IMMT: variants seen among roughly 807,000 people sequenced by gnomAD.
IMMT encodes the protein inner membrane mitochondrial protein.
A neutral mutation model predicts 92.7 loss-of-function variants in IMMT; 40 were observed. The observed-to-expected ratio is 0.43, with a 90% CI of 0.34 to 0.56. The LOEUF (loss-of-function observed/expected upper bound fraction) is 0.56, where lower values mean the gene tolerates loss of function less well. Among genes scored for constraint, IMMT ranks in the 20% least tolerant of loss-of-function variants. The pLI, the probability that IMMT is intolerant of heterozygous loss-of-function variation, is 0.03. For synonymous variants in IMMT, 322 were observed against 336.1 expected (o/e 0.96, Z 0.46); for missense variants, 831 against 912.1 (o/e 0.91, Z 1.14).
At chr2:86,194,856 C>T (rs1049149396) in intron 1 of IMMT, 13 of 170,626 alleles carry the variant, frequency 7.6e-5, no homozygotes, top group Admixed American at 6.5e-4. Context: ...AAAAGAAAGG[C>T]ACTCCCTCCC....
rs1675238278 is a variant in IMMT at position 86,148,736 on chromosome 2, AAAC to A, written c.1402-906_1402-904del. On this transcript the variant is annotated intron_variant, in intron 12 of 14. Coordinates refer to ENST00000410111, the MANE Select transcript of IMMT (RefSeq NM_006839.3). ...ATTTAAATTCAACATGGGCCAAAAA[AAAC>A]CAAAAAATATACCTTGCCTAACAAA... Among the ~76,000 whole-genome samples, 6 of 152,348 alleles carry A rather than the reference AAAC, an allele frequency of 3.9e-5. No homozygotes were observed. In the South Asian group the frequency reaches 1.2e-3, roughly 32 times the overall value.
intron 6 of IMMT, among the ~76,000 whole-genome samples, chr2:86,168,907 G>A (rs1444146475): frequency 6.6e-6 from 1 of 152,208 alleles, no homozygotes; most frequent in Non-Finnish European, 1.5e-5. Context: ...CCCATGACAT[G>A]CGTGAGTGAA....
At chr2:86,161,920 C>T in intron 8 of IMMT, 56 bp downstream of exon 8, 1 of 1,141,506 alleles carries the variant, frequency 8.8e-7, no homozygotes, top group Non-Finnish European at 1.3e-6. Flanking sequence ...GAAAACCCGG[C>T]CCAAAGAAAG....
At chr2:86,154,515 C>T (rs1482361809) in intron 10 of IMMT, among the ~76,000 whole-genome samples, 1 of 152,112 alleles carries the variant, frequency 6.6e-6, no homozygotes, top group Non-Finnish European at 1.5e-5. Flanking sequence ...TTTTATCCCT[C>T]GCATTTTCAT....
At position 86,144,685 on chromosome 2, in the gene IMMT, G is replaced by A. The variant is rs1459208754; in HGVS notation, c.1860C>T (p.Ser620=). Residue 620 remains serine, a synonymous_variant, in exon 15 of 15, where the codon TCC becomes TCT. Coordinates refer to ENST00000410111, the MANE Select transcript of IMMT (RefSeq NM_006839.3). ...QALTAAIPPE[S]LTRGVYSEET... is the part of the protein sequence containing the mutation. ...CTTCACTGTACACCCCACGGGTCAGGGACTCTGGAGGGATAGCTGCGGTTA... is the reference window on the plus strand; with the variant it reads ...CTTCACTGTACACCCCACGGGTCAGAGACTCTGGAGGGATAGCTGCGGTTA... 1.9e-6 allele frequency: 3 copies of A among 1,613,958 alleles called. No individual in the cohort carries two copies. The highest frequency in any genetic ancestry group is 2.5e-6 in the Non-Finnish European group (3 of 1,179,896).
chr2:86,183,373 T>C (rs1672553532), intron 1 of IMMT, among the ~76,000 whole-genome samples: 1 of 152,114 alleles, frequency 6.6e-6, no homozygotes, highest in Non-Finnish European at 1.5e-5. Context: ...GAACTCCTGG[T>C]CTCAACCTAT....
Position 86,146,172 on chromosome 2 carries a change from T to C in IMMT, c.1559A>G (p.Gln520Arg). 6.2e-7 allele frequency: 1 copy of C among 1,609,246 alleles called. No individual in the cohort carries two copies. Among genetic ancestry groups the C allele is most frequent in the Non-Finnish European group, 8.5e-7 (1 of 1,176,788 alleles). ...ACTGAGACGACGAAATTGTAATTCT[T>C]GTTCAGAGAGTTTCTCAGACAGGTT... ...EQNLSEKLSE[Q>R]ELQFRRLSQE... The change falls in exon 14 of 15, where the codon CAA (glutamine) becomes CGA (arginine). Residue 520 changes from glutamine (Q) to arginine (R), a missense_variant. By Grantham distance (43) the Gln-to-Arg change is conservative (BLOSUM62 1). Transcript: ENST00000410111.
At chr2:86,167,968 C>T (rs566773269) in intron 6 of IMMT, among the ~76,000 whole-genome samples, 23 of 152,024 alleles carry the variant, frequency 1.5e-4, no homozygotes, top group Middle Eastern at 6.8e-3. Flanking sequence ...AAACAACAAT[C>T]GTAACAGGGA....
intron 10 of IMMT, among the ~76,000 whole-genome samples, chr2:86,156,246 T>C (rs553596761): frequency 2.0e-5 from 3 of 152,278 alleles, no homozygotes; most frequent in East Asian, 1.9e-4. Context: ...CCAAATGTCA[T>C]GTGAGGGACA....
chr2:86,177,683 T>C (rs1677528332), intron 3 of IMMT, among the ~76,000 whole-genome samples: 1 of 152,142 alleles, frequency 6.6e-6, no homozygotes, highest in East Asian at 1.9e-4. Flanking sequence ...GTACAAGATA[T>C]CCTGTCAACT....
intron 7 of IMMT, among the ~76,000 whole-genome samples, chr2:86,163,851 C>G (rs754682499): frequency 1.3e-5 from 2 of 149,588 alleles, no homozygotes; most frequent in African/African-American, 4.9e-5. Flanking sequence ...CCCAGCTACT[C>G]TGGAGGCTGA....
chr2:86,168,438 C>T (rs895868019), intron 6 of IMMT, among the ~76,000 whole-genome samples: 1 of 152,098 alleles, frequency 6.6e-6, no homozygotes, highest in East Asian at 1.9e-4. Context: ...GGCTGGCCAA[C>T]ATTGTGAAAC....
chr2:86,190,397 C>T (rs759803820), intron 1 of IMMT, among the ~76,000 whole-genome samples: 2 of 152,156 alleles, frequency 1.3e-5, no homozygotes, highest in Non-Finnish European at 2.9e-5. Context: ...AATAATGTTT[C>T]TTCTTCTTCT....
intron 13 of IMMT, 137 bp downstream of exon 13, chr2:86,147,565 T>G: frequency 1.4e-6 from 1 of 691,498 alleles, no homozygotes; most frequent in South Asian, 2.3e-5. Flanking sequence ...TACACCATTA[T>G]GTAAAAAGAA....
At chr2:86,191,203 G>T (rs1419468098) in intron 1 of IMMT, among the ~76,000 whole-genome samples, 1 of 151,946 alleles carries the variant, frequency 6.6e-6, no homozygotes, top group Non-Finnish European at 1.5e-5. Flanking sequence ...AAGTTAGCTG[G>T]GTGTGGTGGT....
At chr2:86,158,412 C>T (rs1676013787) in intron 10 of IMMT, 180 bp downstream of exon 10, 2 of 450,864 alleles carry the variant, frequency 4.4e-6, no homozygotes, top group South Asian at 3.4e-5. Flanking sequence ...GCTAAAACTA[C>T]AAGAGTAGTG....
Position 86,195,445 on chromosome 2 carries a change from A to C in IMMT, c.-63T>G. 2.0e-6 allele frequency: 3 copies of C among 1,523,390 alleles called. No individual in the cohort carries two copies. The highest frequency in any genetic ancestry group is 2.7e-6 in the Non-Finnish European group (3 of 1,130,376). The allele number at this position is 1,523,390 out of a possible 1,614,324, so 94.4% of individuals were successfully genotyped here. A position where few individuals can be genotyped will look rare whatever the true frequency, so the allele number is the denominator to read the frequency against. ...TGCCGCGGCGGCGCGAGTTAAGTGG[A>C]GGCGTGCTTGCGTGTGTGCGTGCCC... On this transcript the variant is annotated 5_prime_UTR_variant, in exon 1 of 15. Transcript: ENST00000410111.
chr2:86,164,682 T>C (rs1320451306), intron 7 of IMMT, among the ~76,000 whole-genome samples: 1 of 43,478 alleles, frequency 2.3e-5, no homozygotes. Context: ...AGAGCAAGAC[T>C]CTGTCTCAAA....
chr2:86,145,085 A>G (rs1415288279), intron 14 of IMMT, among the ~76,000 whole-genome samples: 1 of 151,848 alleles, frequency 6.6e-6, no homozygotes, highest in African/African-American at 2.4e-5. Context: ...AGTCATTCAC[A>G]TCTGCATGAT....
Sources: allele counts gnomAD v4.1 joint callset (sites outside exome capture counted in the v4.1 genomes callset), GRCh38; gene constraint gnomAD v4.1.1; transcripts MANE v1.5; gene names NCBI Gene and HGNC (gene_info 2026-07-23, HGNC 2026-07-21).